Variants in NLRP8 observed in about 807,000 individuals in gnomAD.
The protein encoded by NLRP8 is NLR family pyrin domain containing 8, also known as NACHT, LRR and PYD domains-containing protein 8.
In NLRP8, 86 loss-of-function variants were observed where a neutral mutation model predicts 88.7. The ratio of observed to expected loss-of-function variants is 0.97; its 90% CI spans 0.81 to 1.16. NLRP8 has a LOEUF of 1.16. Among genes scored for constraint, NLRP8 ranks in the 50% most tolerant of loss-of-function variants. The pLI is 0.00. For synonymous variants in NLRP8, 504 were observed against 494.6 expected, an observed-to-expected ratio of 1.02 and a Z score of -0.25; for missense variants, 1,342 against 1,286.5, an observed-to-expected ratio of 1.04 and a Z score of -0.66.
chr19:55,974,496 C>T (rs557512603), intron 7 of NLRP8, among the ~76,000 whole-genome samples: 1 of 151,778 alleles, frequency 6.6e-6, no homozygotes, highest in Admixed American at 6.6e-5. Flanking sequence ...GGCCTGTAAT[C>T]CCAGCACTTT....
intron 6 of NLRP8, among the ~76,000 whole-genome samples, 189 bp downstream of exon 6, chr19:55,970,885 T>C (rs1169355743): frequency 6.6e-6 from 1 of 152,098 alleles, no homozygotes; most frequent in African/African-American, 2.4e-5. Flanking sequence ...AGAAATAACA[T>C]ATCTACATAA....
intron 2 of NLRP8, among the ~76,000 whole-genome samples, chr19:55,953,322 T>A (rs1182885435): frequency 1.3e-5 from 2 of 152,150 alleles, no homozygotes; most frequent in Non-Finnish European, 2.9e-5. Context: ...TACTGAGTTG[T>A]ATAATTATTT....
At chr19:55,949,640 G>C (rs904773695) in intron 1 of NLRP8, among the ~76,000 whole-genome samples, 4 of 152,094 alleles carry the variant, frequency 2.6e-5, no homozygotes, top group Non-Finnish European at 5.9e-5. Context: ...AGAGAAGGGG[G>C]GACTACTGTA....
In NLRP8 at chr19:55,965,150, C is replaced by G. The variant is rs558092869; in HGVS notation, c.2214-1063C>G. 9.2e-5 allele frequency among the ~76,000 whole-genome samples: 14 copies of G among 152,104 alleles called. No homozygotes were observed. The South Asian group carries it at 2.7e-3, about 29-fold the overall frequency. ...AAATTTTTCTAAAAAGAAAGTAGAT[C>G]AGAAAGTTGAGCTTTGTAGGCCGGG... On this transcript the variant is annotated intron_variant, in intron 4 of 9. Transcript: ENST00000291971.
chr19:55,953,043 G>T (rs975783562), intron 2 of NLRP8, among the ~76,000 whole-genome samples: 1 of 152,328 alleles, frequency 6.6e-6, no homozygotes, highest in Middle Eastern at 3.4e-3. Flanking sequence ...AGCAGGAGGT[G>T]AGTGGCAGGG....
chr19:55,970,743 G>A (rs1980041474), intron 6 of NLRP8, 47 bp downstream of exon 6: 2 of 1,608,966 alleles, frequency 1.2e-6, no homozygotes, highest in African/African-American at 2.7e-5. Flanking sequence ...GGTTGTGGTG[G>A]TTGTTTGGTA....
intron 3 of NLRP8, among the ~76,000 whole-genome samples, chr19:55,958,431 G>T (rs935394440): frequency 2.0e-5 from 3 of 152,180 alleles, no homozygotes; most frequent in Non-Finnish European, 4.4e-5. Context: ...ACCATGACAA[G>T]CAGTGTGCAG....
At position 55,947,932 on chromosome 19, in the gene NLRP8, C is replaced by T; in HGVS notation, c.30C>T (p.Thr10=). Residue 10 remains threonine (T), a synonymous_variant, in exon 1 of 10, where the codon ACC becomes ACT. Transcript: ENST00000291971. The stretch of plus-strand genomic sequence containing the variant: ...GTGACGTGAATCCACCCTCTGACAC[C>T]CCCATTCCCTTTTCATCCTCCTCCA... 5.0e-6 allele frequency: 8 copies of T among 1,613,528 alleles called. No individual in the cohort carries two copies. The highest frequency in any genetic ancestry group is 1.1e-5 in the South Asian group (1 of 91,000).
chr19:55,957,328 A>T (rs1979398296), intron 3 of NLRP8, among the ~76,000 whole-genome samples: 1 of 152,168 alleles, frequency 6.6e-6, no homozygotes, highest in East Asian at 1.9e-4. Context: ...AGTAGCTACC[A>T]TATCAGACAG....
chr19:55,955,943 T>C lies in NLRP8; in HGVS notation c.1885T>C (p.Tyr629His), dbSNP rs1241852540. Reference sequence around the variant, plus strand: ...CTTTGTAAGCCAAGCCCTAAATGATTATCATAAAGTTGTCTTGAGAATTGG... The same window carrying C: ...CTTTGTAAGCCAAGCCCTAAATGATCATCATAAAGTTGTCTTGAGAATTGG... The change falls in exon 3 of 10, where the codon TAT becomes CAT. Residue 629 changes from tyrosine (Y) to histidine (H), a missense_variant. By Grantham distance (83) the Tyr-to-His change is moderately conservative. Transcript: ENST00000291971. The C allele has an allele frequency of 6.2e-7, 1 of 1,614,140 alleles. No individual in the cohort carries two copies. Among genetic ancestry groups the C allele is most frequent in the East Asian group, 2.2e-5 (1 of 44,874 alleles).
At chr19:55,950,495 C>T (rs890764563) in intron 1 of NLRP8, among the ~76,000 whole-genome samples, 5 of 152,020 alleles carry the variant, frequency 3.3e-5, no homozygotes, top group South Asian at 2.1e-4. Context: ...ATTCTGTATT[C>T]GTGAATGTGC....
intron 1 of NLRP8, 65 bp downstream of exon 1, chr19:55,948,334 G>T: frequency 6.6e-7 from 1 of 1,523,482 alleles, no homozygotes. Flanking sequence ...AACTACTCTA[G>T]TCACCACCCC....
At position 55,970,707 on chromosome 19, in the gene NLRP8, T is replaced by C; in HGVS notation, c.2534+11T>C. 1 of 1,613,902 alleles carries C rather than the reference T, an allele frequency of 6.2e-7. No individual in the cohort carries two copies. Among genetic ancestry groups the C allele is most frequent in the Non-Finnish European group, 8.5e-7 (1 of 1,179,890 alleles). On this transcript the variant is annotated intron_variant, in intron 6 of 9. Coordinates refer to ENST00000291971, the MANE Select transcript of NLRP8 (RefSeq NM_176811.2). ...GCTGGAGAGGCTGTCGTAAGTCTCC[T>C]TTCTAGTGGCTGTGGTTGTGGTTGT...
chr19:55,969,126 G>T (rs1385457481), intron 5 of NLRP8, among the ~76,000 whole-genome samples: 1 of 152,130 alleles, frequency 6.6e-6, no homozygotes, highest in African/African-American at 2.4e-5. Context: ...TATATTCATA[G>T]GTTTTAGGGT....
Position 55,970,674 on chromosome 19 carries a change from G to A in NLRP8, c.2512G>A (p.Val838Met), listed in dbSNP as rs747509417. Residue 838 changes from valine (V) to methionine (M), a missense_variant, in exon 6 of 10, where the codon GTG (valine) becomes ATG (methionine). Coordinates refer to ENST00000291971, the MANE Select transcript of NLRP8 (RefSeq NM_176811.2). ...GAACTGTGGGGCGTATTACCTGTCT[G>A]TGGCCCAGCTGGAGAGGCTGTCGTA... 1 of 1,614,094 alleles carries A rather than the reference G, an allele frequency of 6.2e-7. No individual in the cohort carries two copies. Among genetic ancestry groups the A allele is most frequent in the Non-Finnish European group, 8.5e-7 (1 of 1,179,994 alleles).
intron 3 of NLRP8, among the ~76,000 whole-genome samples, chr19:55,959,068 CG>C (rs1235786616): frequency 6.7e-6 from 1 of 148,276 alleles, no homozygotes; most frequent in African/African-American, 2.5e-5. Context: ...TTAATAGAGA[CG>C]GGGTTTCACT....
chr19:55,957,032 A>G (rs1022168934), intron 3 of NLRP8, among the ~76,000 whole-genome samples: 6 of 152,086 alleles, frequency 3.9e-5, no homozygotes, highest in Admixed American at 6.5e-5. Context: ...GCCTCAAGCA[A>G]TCTTCCCACC....
chr19:55,973,522 C>G (rs897214939), intron 6 of NLRP8, 130 bp from the exon 7 acceptor site: 8 of 737,556 alleles, frequency 1.1e-5, no homozygotes, highest in African/African-American at 1.1e-4. Flanking sequence ...CTTGGAAGTC[C>G]TGAGTGGTGA....
rs202172738 is a variant in NLRP8 at position 55,954,562 on chromosome 19, G to A, written c.504G>A (p.Thr168=). The A allele has an allele frequency of 4.1e-5, 66 of 1,614,064 alleles. No homozygotes were observed. The highest frequency in any genetic ancestry group is 1.6e-4 in the Middle Eastern group (1 of 6,062). The change falls in exon 3 of 10, where the codon ACG becomes ACA. Residue 168 remains threonine, a synonymous_variant. Transcript: ENST00000291971. ...AGTTTTTCCCCATATGGGACATTAC[G>A]ACTTGGCCTGGAAACCAGAGGGACT...
Sources: allele counts gnomAD v4.1 joint callset (sites outside exome capture counted in the v4.1 genomes callset), GRCh38; gene constraint gnomAD v4.1.1; transcripts MANE v1.5; gene names NCBI Gene and HGNC (gene_info 2026-07-23, HGNC 2026-07-21).